The following OSBPL8 variants were observed in gnomAD, a reference collection of about 807,000 sequenced individuals.
OSBPL8 encodes oxysterol-binding protein-related protein 8.
OSBPL8 carries 59 observed loss-of-function variants against 125.5 expected under a neutral mutation model. The observed-to-expected ratio is 0.47, with a 90% CI of 0.38 to 0.58. The LOEUF (loss-of-function observed/expected upper bound fraction) is 0.58, where lower values mean the gene tolerates loss of function less well. OSBPL8 is among the 20% of genes least tolerant of loss of function. The probability of loss-of-function intolerance (pLI) is 0.00; values close to 1 mark genes in which losing one functional copy is unlikely to be tolerated. For synonymous variants in OSBPL8, 330 were observed against 338.9 expected (o/e 0.97, Z 0.29); for missense variants, 758 against 1,047.8 (o/e 0.72, Z 3.82).
At chr12:76,381,856 C>A (rs1953069467) in intron 15 of OSBPL8, among the ~76,000 whole-genome samples, 1 of 151,738 alleles carries the variant, frequency 6.6e-6, no homozygotes, top group Non-Finnish European at 1.5e-5. Context: ...TGCCTTAGCA[C>A]TCCAAGTAGC....
At chr12:76,404,698 T>C (rs1039310308) in intron 5 of OSBPL8, among the ~76,000 whole-genome samples, 1 of 152,240 alleles carries the variant, frequency 6.6e-6, no homozygotes, top group African/African-American at 2.4e-5. Context: ...TAACATATTC[T>C]TTCCTCTAGC....
chr12:76,426,126 G>A (rs994203737), intron 4 of OSBPL8, among the ~76,000 whole-genome samples: 3 of 152,184 alleles, frequency 2.0e-5, no homozygotes, highest in African/African-American at 7.2e-5. Flanking sequence ...TAACTTAGGA[G>A]TCTAATATTT....
At chr12:76,471,262 T>G (rs547344278) in intron 2 of OSBPL8, among the ~76,000 whole-genome samples, 3 of 152,166 alleles carry the variant, frequency 2.0e-5, no homozygotes, top group Non-Finnish European at 4.4e-5. Flanking sequence ...ACACCTCCAC[T>G]TGGATACACA....
intron 4 of OSBPL8, among the ~76,000 whole-genome samples, chr12:76,435,115 G>A (rs1214477507): frequency 1.3e-5 from 2 of 151,722 alleles, no homozygotes; most frequent in Non-Finnish European, 2.9e-5. Flanking sequence ...AATGTCCACT[G>A]CAGAGAATGG....
At chr12:76,393,968 C>T (rs1463589905) in intron 9 of OSBPL8, among the ~76,000 whole-genome samples, 2 of 152,084 alleles carry the variant, frequency 1.3e-5, no homozygotes, top group Non-Finnish European at 2.9e-5. Context: ...TGCAGTGAGC[C>T]GAGATCGTGC....
intron 4 of OSBPL8, among the ~76,000 whole-genome samples, chr12:76,446,912 A>G (rs770848020): frequency 6.6e-5 from 10 of 152,218 alleles, no homozygotes; most frequent in Non-Finnish European, 1.3e-4. Flanking sequence ...CACTGGAAGT[A>G]GACTTCACAT....
intron 1 of OSBPL8, among the ~76,000 whole-genome samples, chr12:76,511,212 C>T (rs1183991545): frequency 6.6e-6 from 1 of 152,156 alleles, no homozygotes; most frequent in African/African-American, 2.4e-5. Context: ...CTTTCACATG[C>T]ATGTGTCTTT....
intron 1 of OSBPL8, among the ~76,000 whole-genome samples, chr12:76,488,959 G>T (rs1483189628): frequency 2.0e-5 from 3 of 152,186 alleles, no homozygotes; most frequent in Non-Finnish European, 4.4e-5. Flanking sequence ...GTTCTTGGAA[G>T]AAATTAAAAG....
intron 17 of OSBPL8, among the ~76,000 whole-genome samples, chr12:76,374,309 G>A (rs11110681): frequency 6.6e-6 from 1 of 152,004 alleles, no homozygotes; most frequent in Non-Finnish European, 1.5e-5. Context: ...TTGACAATAC[G>A]TACCCTCTCC....
At chr12:76,501,873 C>A (rs1028365691) in intron 1 of OSBPL8, among the ~76,000 whole-genome samples, 3 of 152,244 alleles carry the variant, frequency 2.0e-5, no homozygotes, top group African/African-American at 7.2e-5. Context: ...GAATAAATTT[C>A]TCTTCCCTCC....
intron 1 of OSBPL8, among the ~76,000 whole-genome samples, chr12:76,542,586 G>A (rs1274278241): frequency 3.3e-5 from 5 of 152,186 alleles, no homozygotes; most frequent in Admixed American, 1.3e-4. Flanking sequence ...AAGTTCCCAA[G>A]TGATGTACTT....
At chr12:76,540,964 T>C (rs138193624) in intron 1 of OSBPL8, among the ~76,000 whole-genome samples, 59 of 152,206 alleles carry the variant, frequency 3.9e-4, no homozygotes, top group African/African-American at 1.2e-3. Flanking sequence ...TTTAGATACA[T>C]AGTAGTAACA....
intron 20 of OSBPL8, 52 bp from the exon 21 acceptor site, chr12:76,369,353 C>T: frequency 6.5e-7 from 1 of 1,535,074 alleles, no homozygotes; most frequent in Non-Finnish European, 8.7e-7. Context: ...AAACAAAGAA[C>T]TTTAAAACTT....
At chr12:76,477,210 G>A (rs1876914104) in intron 2 of OSBPL8, among the ~76,000 whole-genome samples, 1 of 152,048 alleles carries the variant, frequency 6.6e-6, no homozygotes, top group African/African-American at 2.4e-5. Context: ...TTTGGGTCTC[G>A]AGTTTCCTTT....
chr12:76,399,981 T>G lies in OSBPL8; in HGVS notation c.367-7A>C. On this transcript the variant is annotated splice_region_variant and splice_polypyrimidine_tract_variant and intron_variant, in intron 6 of 23. Transcript: ENST00000261183. The stretch of plus-strand genomic sequence containing the variant: ...GGTAATTTTTCTTTTGTACCTATTT[T>G]ATAGAAATAATAGAAAAGATAAAAA... 6.3e-7 allele frequency: 1 copy of G among 1,580,378 alleles called. No homozygotes were observed. The highest frequency in any genetic ancestry group is 8.6e-7 in the Non-Finnish European group (1 of 1,165,362).
In OSBPL8 at chr12:76,428,168, A is replaced by G. The variant is rs933597321; in HGVS notation, c.218-17534T>C. On this transcript the variant is annotated intron_variant, in intron 4 of 23. Coordinates refer to ENST00000261183, the MANE Select transcript of OSBPL8 (RefSeq NM_020841.5). Reference sequence around the variant, plus strand: ...TTGCCACTGAAGAGACCAACTACATATATCATATATGGTCTAGTGGCTCTT... The same window carrying G: ...TTGCCACTGAAGAGACCAACTACATGTATCATATATGGTCTAGTGGCTCTT... Among the ~76,000 whole-genome samples, 6 of 152,104 alleles carry G rather than the reference A, an allele frequency of 3.9e-5. No homozygotes were observed. In the East Asian group the frequency reaches 1.2e-3, roughly 29 times the overall value.
chr12:76,529,900 T>C (rs1950286821), intron 1 of OSBPL8, among the ~76,000 whole-genome samples: 1 of 152,176 alleles, frequency 6.6e-6, no homozygotes. Context: ...ATAAACCCTA[T>C]AAAGCAAGTA....
At chr12:76,528,457 T>G (rs1950240390) in intron 1 of OSBPL8, among the ~76,000 whole-genome samples, 1 of 152,194 alleles carries the variant, frequency 6.6e-6, no homozygotes, top group African/African-American at 2.4e-5. Flanking sequence ...TTTTTCTATG[T>G]GCTTTTAGAC....
intron 1 of OSBPL8, among the ~76,000 whole-genome samples, chr12:76,520,859 C>G (rs965247785): frequency 6.6e-6 from 1 of 152,076 alleles, no homozygotes; most frequent in African/African-American, 2.4e-5. Flanking sequence ...TTTAATTAGG[C>G]CTTTATAAAA....
Sources: gnomAD v4.1 joint callset for allele counts (sites outside exome capture counted in the v4.1 genomes callset) on GRCh38, gnomAD v4.1.1 for gene constraint, MANE v1.5 for transcripts, NCBI Gene and HGNC (gene_info 2026-07-23, HGNC 2026-07-21) for gene names.